Variants in POU3F3 observed in about 807,000 individuals in gnomAD.
POU3F3 encodes the protein POU domain, class 3, transcription factor 3.
In POU3F3, 1 loss-of-function variant was observed where a neutral mutation model predicts 8.6. The observed-to-expected ratio is 0.12, with a 90% confidence interval of 0.04 to 0.55. The LOEUF (loss-of-function observed/expected upper bound fraction) is 0.55. Among genes scored for constraint, POU3F3 ranks in the 20% least tolerant of loss-of-function variants. The pLI is 0.91. For synonymous variants in POU3F3, 418 were observed against 327.4 expected, an observed-to-expected ratio of 1.28 and a Z score of -2.99; for missense variants, 577 against 690.7, an observed-to-expected ratio of 0.84 and a Z score of 1.84.
chr2:104,893,424 C>T, the POU3F3 span, among the ~76,000 whole-genome samples: 1 of 152,258 alleles, frequency 6.6e-6, no homozygotes, highest in African/African-American at 2.4e-5. Flanking sequence ...CCACTGGGTT[C>T]TGTGGCCGCA....
chr2:104,872,620 C>A, the POU3F3 span: 1 of 258,912 alleles, frequency 3.9e-6, no homozygotes, highest in Non-Finnish European at 7.5e-6. The surrounding 1 kb of genome is among the most constrained non-coding windows in gnomAD (Gnocchi z 4.6). Flanking sequence ...TCGGCGCGCG[C>A]GGAAACCCAG....
the POU3F3 span, among the ~76,000 whole-genome samples, chr2:104,897,699 G>A: frequency 6.6e-6 from 1 of 152,218 alleles, no homozygotes; most frequent in African/African-American, 2.4e-5. Context: ...TGACTCAGAA[G>A]TCGATCTTTT....
chr2:104,855,632 G>GC lies in POU3F3; in HGVS notation c.122_123insC (p.Gly43ArgfsTer597). ...GGGGGTGGCGGCGGCGGCGGCGGCGGGGGCGGCGCAGGGGGCGGGGGCGGC... is the reference window on the plus strand; with the variant it reads ...GGGGGTGGCGGCGGCGGCGGCGGCGGCGGGCGGCGCAGGGGGCGGGGGCGGC... On this transcript the variant is annotated frameshift_variant, in exon 1 of 1. Coordinates refer to ENST00000361360, the MANE Select transcript of POU3F3 (RefSeq NM_006236.3). LOFTEE classifies it low-confidence loss of function (END_TRUNC). 2.1e-6 allele frequency: 2 copies of GC among 972,864 alleles called. No individual in the cohort carries two copies. Among genetic ancestry groups the GC allele is most frequent in the Non-Finnish European group, 2.4e-6 (2 of 822,560 alleles). 60.3% of individuals were successfully genotyped at this position (972,864 alleles called of 1,614,324 possible).
At chr2:104,901,604 A>G in the POU3F3 span, among the ~76,000 whole-genome samples, 9 of 152,354 alleles carry the variant, frequency 5.9e-5, no homozygotes, top group Non-Finnish European at 1.2e-4. Flanking sequence ...GGATTTGTCA[A>G]TAATACTTAG....
At chr2:104,882,053 C>T in the POU3F3 span, among the ~76,000 whole-genome samples, 2 of 152,258 alleles carry the variant, frequency 1.3e-5, no homozygotes, top group East Asian at 1.9e-4. Flanking sequence ...GTTATTGACT[C>T]ACTAAAAGAT....
chr2:104,898,254 G>A, the POU3F3 span, among the ~76,000 whole-genome samples: 12 of 152,174 alleles, frequency 7.9e-5, no homozygotes, highest in Non-Finnish European at 1.2e-4. Flanking sequence ...CTCTGATTTC[G>A]GACTTCCAGC....
At position 104,855,502 on chromosome 2, in the gene POU3F3, C is replaced by T; in HGVS notation, c.-9C>T. 5.0e-6 allele frequency: 5 copies of T among 992,612 alleles called. No homozygotes were observed. The highest frequency in any genetic ancestry group is 4.8e-6 in the Non-Finnish European group (4 of 835,440). The allele number at this position is 992,612 out of a possible 1,614,324, so 61.5% of individuals were successfully genotyped here. A position where few individuals can be genotyped will look rare whatever the true frequency, so the allele number is the denominator to read the frequency against. ...GGTGGCGGCGGTGGGGTGGCGGGAG[C>T]GGAGCGGCATGGCCACGGCGGCTTC... On this transcript the variant is annotated 5_prime_UTR_variant, in exon 1 of 1. Coordinates refer to ENST00000361360, the MANE Select transcript of POU3F3 (RefSeq NM_006236.3).
chr2:104,878,292 G>A, the POU3F3 span, among the ~76,000 whole-genome samples: 8 of 152,216 alleles, frequency 5.3e-5, no homozygotes, highest in Non-Finnish European at 2.9e-5. Context: ...TGTAGGATTT[G>A]GTCTGGAAAT....
At chr2:104,881,079 A>G in the POU3F3 span, among the ~76,000 whole-genome samples, 25 of 142,792 alleles carry the variant, frequency 1.8e-4, no homozygotes, top group African/African-American at 6.4e-4. Context: ...CATACAACCT[A>G]CTTTTATTCA....
At chr2:104,884,445 A>G in the POU3F3 span, among the ~76,000 whole-genome samples, 2 of 152,154 alleles carry the variant, frequency 1.3e-5, no homozygotes, top group Non-Finnish European at 2.9e-5. Flanking sequence ...CTCCCCAGGC[A>G]TCCAACTAAT....
the POU3F3 span, chr2:104,866,832 C>G: frequency 6.6e-6 from 1 of 152,302 alleles, no homozygotes; most frequent in Admixed American, 6.5e-5. Flanking sequence ...GAGATCCTGC[C>G]TAGAGCTGCA....
At chr2:104,900,563 A>C in the POU3F3 span, among the ~76,000 whole-genome samples, 3 of 152,202 alleles carry the variant, frequency 2.0e-5, no homozygotes, top group Admixed American at 6.5e-5. Context: ...GTTGTTAGCA[A>C]GCACAATAAA....
the POU3F3 span, among the ~76,000 whole-genome samples, chr2:104,880,183 C>T: frequency 1.3e-5 from 2 of 152,102 alleles, no homozygotes; most frequent in Admixed American, 6.6e-5. Context: ...CCTCTCCCCA[C>T]CCGCCTCCGC....
At chr2:104,859,810 ATTTAC>A (rs568875663), downstream of POU3F3, among the ~76,000 whole-genome samples, 23 of 151,670 alleles carry the variant, frequency 1.5e-4, no homozygotes, top group East Asian at 3.1e-3. Context: ...AGAAACCACA[ATTTAC>A]TTTTCTTTGC....
chr2:104,911,834 G>A, the POU3F3 span, among the ~76,000 whole-genome samples: 1 of 152,072 alleles, frequency 6.6e-6, no homozygotes, highest in African/African-American at 2.4e-5. Flanking sequence ...GGGAGAGAGA[G>A]AGAGAGATGC....
At chr2:104,902,267 CAG>C in the POU3F3 span, among the ~76,000 whole-genome samples, 5 of 152,058 alleles carry the variant, frequency 3.3e-5, no homozygotes, top group Non-Finnish European at 7.4e-5. Context: ...TTTTAAAAAC[CAG>C]AGTTTTCATG....
the POU3F3 span, chr2:104,866,358 C>G: frequency 6.6e-6 from 1 of 152,066 alleles, no homozygotes; most frequent in African/African-American, 2.4e-5. Flanking sequence ...CTCTATTTAT[C>G]AAAGAGGAGG....
At chr2:104,862,947 T>G (rs1676683431), downstream of POU3F3, among the ~76,000 whole-genome samples, 1 of 151,480 alleles carries the variant, frequency 6.6e-6, no homozygotes, top group South Asian at 2.1e-4. Context: ...TGTTCATCTA[T>G]CTTCCTAAAA....
the POU3F3 span, among the ~76,000 whole-genome samples, chr2:104,877,075 T>C: frequency 7.2e-6 from 1 of 138,004 alleles, no homozygotes; most frequent in Non-Finnish European, 1.6e-5. Context: ...CACAGAGTCA[T>C]TGCCTCTTCC....
Sources: allele counts gnomAD v4.1 joint callset (sites outside exome capture counted in the v4.1 genomes callset), GRCh38; gene constraint gnomAD v4.1.1; non-coding constraint Gnocchi (gnomAD v3.1); transcripts MANE v1.5; gene names NCBI Gene and HGNC (gene_info 2026-07-23, HGNC 2026-07-21).